The following MALRD1 variants were observed in gnomAD, a reference collection of about 807,000 sequenced individuals.
MALRD1 encodes the protein MAM and LDL-receptor class A domain-containing protein 1.
Under a neutral mutation model 242.1 loss-of-function variants are expected in MALRD1, and 247 were observed. The observed-to-expected ratio is 1.02, with a 90% CI of 0.92 to 1.13. The LOEUF is 1.13. Among genes scored for constraint, MALRD1 ranks in the 50% most tolerant of loss-of-function variants. The pLI is 0.00. For missense variants in MALRD1, 2,989 were observed against 2,533.1 expected (o/e 1.18, Z -3.86); for synonymous variants, 995 against 866.6 (o/e 1.15, Z -2.60).
intron 38 of MALRD1, among the ~76,000 whole-genome samples, chr10:19,696,364 C>G (rs1029099905): frequency 6.6e-6 from 1 of 152,158 alleles, no homozygotes; most frequent in Non-Finnish European, 1.5e-5. Context: ...AGATATACAT[C>G]ATATCTTGAA....
At chr10:19,095,440 G>A (rs772671952) in intron 4 of MALRD1, among the ~76,000 whole-genome samples, 12 of 152,186 alleles carry the variant, frequency 7.9e-5, no homozygotes, top group Non-Finnish European at 1.5e-4. Flanking sequence ...ACTGTACTCT[G>A]TTGAAGTCAA....
intron 36 of MALRD1, among the ~76,000 whole-genome samples, chr10:19,659,800 C>T (rs139913972): frequency 1.4e-4 from 21 of 152,172 alleles, no homozygotes; most frequent in African/African-American, 4.3e-4. Flanking sequence ...TTTGAAGCCC[C>T]GTCTCAAATC....
chr10:19,704,128 A>ATT (rs34258741), intron 38 of MALRD1, among the ~76,000 whole-genome samples: 87 of 151,446 alleles, frequency 5.7e-4, no homozygotes, highest in Non-Finnish European at 1.0e-3. Context: ...AAAAATCAGA[A>ATT]TTTTTTTTTA....
Position 19,336,747 on chromosome 10 carries a change from T to C in MALRD1, c.3901+5165T>C, listed in dbSNP as rs185065275. Among the ~76,000 whole-genome samples, 5 of 152,056 alleles carry C rather than the reference T, an allele frequency of 3.3e-5. No homozygotes were observed. The East Asian group carries it at 7.7e-4, about 23-fold the overall frequency. On this transcript the variant is annotated intron_variant, in intron 24 of 39. Coordinates refer to ENST00000454679, the MANE Select transcript of MALRD1 (RefSeq NM_001142308.3). Reference sequence around the variant, plus strand: ...TGCTAAGCCAGTAGATAGAGAAAAATGTTTTGCCTTAAAAAATTATATTAG... The same window carrying C: ...TGCTAAGCCAGTAGATAGAGAAAAACGTTTTGCCTTAAAAAATTATATTAG...
intron 33 of MALRD1, among the ~76,000 whole-genome samples, chr10:19,585,221 T>A (rs1456439842): frequency 6.6e-6 from 1 of 152,146 alleles, no homozygotes; most frequent in African/African-American, 2.4e-5. Flanking sequence ...TTTAGTCCAT[T>A]TACATTTAAA....
chr10:19,164,297 AT>A (rs200699820), intron 12 of MALRD1, among the ~76,000 whole-genome samples: 4 of 151,974 alleles, frequency 2.6e-5, no homozygotes, highest in East Asian at 1.9e-4. Context: ...CATTTAAAAC[AT>A]TTTTTTTGGT....
chr10:19,186,342 A>G (rs1331149424), intron 14 of MALRD1, among the ~76,000 whole-genome samples: 1 of 152,312 alleles, frequency 6.6e-6, no homozygotes, highest in East Asian at 1.9e-4. Context: ...TTTCTGTGGC[A>G]TGAAATCAAG....
chr10:19,139,622 T>C (rs1833472255), intron 10 of MALRD1, among the ~76,000 whole-genome samples: 2 of 152,212 alleles, frequency 1.3e-5, no homozygotes, highest in African/African-American at 2.4e-5. Flanking sequence ...TCTTCTGTCA[T>C]TGTCAAGTTG....
intron 36 of MALRD1, among the ~76,000 whole-genome samples, chr10:19,626,400 T>TA (rs1369152530): frequency 6.6e-6 from 1 of 151,080 alleles, no homozygotes; most frequent in African/African-American, 2.4e-5. Flanking sequence ...AAGTAGAAGC[T>TA]AAACATATTG....
intron 31 of MALRD1, among the ~76,000 whole-genome samples, chr10:19,528,881 A>C (rs73595827): frequency 7.9e-5 from 12 of 152,178 alleles, no homozygotes; most frequent in South Asian, 6.2e-4. Flanking sequence ...AGCCAGCCAG[A>C]CAGACACAGA....
intron 29 of MALRD1, among the ~76,000 whole-genome samples, chr10:19,474,235 A>C (rs1332933): frequency 0.86 from 130,997 of 151,976 alleles, 56,620 homozygotes; most frequent in East Asian, 1. Context: ...TAAATGAGTA[A>C]AGAGATGAAT....
chr10:19,244,949 G>A (rs181216138), intron 18 of MALRD1, among the ~76,000 whole-genome samples: 4 of 152,170 alleles, frequency 2.6e-5, no homozygotes, highest in African/African-American at 9.6e-5. Context: ...AGACCATCAA[G>A]AGAGGAGAAG....
In MALRD1 at chr10:19,203,738, T is replaced by A; in HGVS notation, c.1962T>A (p.Cys654Ter). The A allele has an allele frequency of 6.5e-7, 1 of 1,535,028 alleles. No individual in the cohort carries two copies. The highest frequency in any genetic ancestry group is 1.2e-5 in the South Asian group (1 of 83,304). ...ATTTTTGTTCTTCAGTTTCCAAGTG[T>A]GACTTTGAAGCAAACAGCTGTGATT... ...RTSTQSKFSK[C>*]DFEANSCDWF... The change falls in exon 15 of 40, where the codon TGT (cysteine) becomes TGA (stop). Residue 654 changes from cysteine (C) to a stop codon, truncating the protein, a stop_gained. Coordinates refer to ENST00000454679, the MANE Select transcript of MALRD1 (RefSeq NM_001142308.3). LOFTEE classifies it high-confidence loss of function.
chr10:19,427,124 A>G (rs10508585), intron 28 of MALRD1, among the ~76,000 whole-genome samples: 4,400 of 152,160 alleles, frequency 0.029, 209 homozygotes, highest in African/African-American at 0.1. Flanking sequence ...TCCATTTTTA[A>G]TCCTTAGAAC....
intron 36 of MALRD1, among the ~76,000 whole-genome samples, chr10:19,631,313 A>G (rs1839890628): frequency 6.6e-6 from 1 of 152,168 alleles, no homozygotes; most frequent in South Asian, 2.1e-4. Flanking sequence ...GTTCTTGTAA[A>G]GGACATAATC....
At chr10:19,397,039 A>G (rs1846615258) in intron 28 of MALRD1, among the ~76,000 whole-genome samples, 1 of 152,198 alleles carries the variant, frequency 6.6e-6, no homozygotes, top group African/African-American at 2.4e-5. Context: ...ACATTGTGTA[A>G]TGATCAAATC....
In MALRD1 at chr10:19,149,077, C is replaced by CT. The variant is rs1554798064; in HGVS notation, c.1558+2733_1558+2734insT. ...CAGCTTTTAAATCTGTCTATCTGTC[C>CT]ATCTATCTATCTATCTATCTATCTA... is the stretch of plus-strand genomic sequence containing the variant. On this transcript the variant is annotated intron_variant, in intron 11 of 39. Coordinates refer to ENST00000454679, the MANE Select transcript of MALRD1 (RefSeq NM_001142308.3). Among the ~76,000 whole-genome samples, 727 of 144,032 alleles carry CT rather than the reference C, an allele frequency of 5.0e-3. 4 individuals carry two copies. Among genetic ancestry groups the CT allele is most frequent in the African/African-American group, 0.017 (667 of 38,146 alleles). 94.5% of individuals were successfully genotyped at this position (144,032 alleles called of 152,430 possible).
intron 29 of MALRD1, among the ~76,000 whole-genome samples, chr10:19,476,326 T>G (rs1836729056): frequency 6.6e-6 from 1 of 152,152 alleles, no homozygotes; most frequent in African/African-American, 2.4e-5. Flanking sequence ...TGTCTATCCT[T>G]AGGTCAATAA....
chr10:19,609,700 A>G lies in MALRD1; in HGVS notation c.6070+1798A>G, dbSNP rs572126787. Among the ~76,000 whole-genome samples the G allele has an allele frequency of 7.9e-5, 12 of 152,186 alleles. No individual in the cohort carries two copies. In the South Asian group the frequency reaches 2.5e-3, roughly 31 times the overall value. On this transcript the variant is annotated intron_variant, in intron 35 of 39. Transcript: ENST00000454679. ...CATGCCTAACTTATATTATGCAAGTATATTATTTTCAAGTTTTTGTTGCTT... is the reference window on the plus strand; with the variant it reads ...CATGCCTAACTTATATTATGCAAGTGTATTATTTTCAAGTTTTTGTTGCTT...
Sources: gnomAD v4.1 joint callset for allele counts (sites outside exome capture counted in the v4.1 genomes callset) on GRCh38, gnomAD v4.1.1 for gene constraint, MANE v1.5 for transcripts, NCBI Gene and HGNC (gene_info 2026-07-23, HGNC 2026-07-21) for gene names.